The following ADAMTS9 variants were observed in gnomAD, a reference collection of about 807,000 sequenced individuals.
ADAMTS9 encodes ADAM metallopeptidase with thrombospondin type 1 motif 9, also known as A disintegrin and metalloproteinase with thrombospondin motifs 9.
In ADAMTS9, 107 loss-of-function variants were observed where a neutral mutation model predicts 257.1. The observed-to-expected ratio is 0.42, with a 90% CI of 0.36 to 0.49. The LOEUF (loss-of-function observed/expected upper bound fraction) is 0.49. Among genes scored for constraint, ADAMTS9 ranks in the 20% least tolerant of loss-of-function variants. The pLI, the probability that ADAMTS9 is intolerant of heterozygous loss-of-function variation, is 0.03. For synonymous variants in ADAMTS9, 982 were observed against 880.9 expected (o/e 1.11, Z -2.03); for missense variants, 2,353 against 2,469.1 (o/e 0.95, Z 1.00).
At chr3:64,606,883 A>T in intron 23 of ADAMTS9, 77 bp downstream of exon 23, 1 of 1,571,764 alleles carries the variant, frequency 6.4e-7, no homozygotes, top group Non-Finnish European at 8.7e-7. Flanking sequence ...AAAGGATTTC[A>T]ATTTTGTCTA....
chr3:64,595,673 A>G (rs1432339339), intron 27 of ADAMTS9, among the ~76,000 whole-genome samples: 1 of 152,208 alleles, frequency 6.6e-6, no homozygotes, highest in African/African-American at 2.4e-5. Context: ...ATGAAAGTCA[A>G]CAATAATCCC....
intron 38 of ADAMTS9, among the ~76,000 whole-genome samples, chr3:64,523,383 A>G (rs1213434313): frequency 6.6e-6 from 1 of 152,178 alleles, no homozygotes; most frequent in Admixed American, 6.5e-5. Flanking sequence ...CTCTATGAAG[A>G]GTCTAGTGGA....
rs1401847798 is a variant in ADAMTS9, at chr3:64,622,205, G to A, written c.2679C>T (p.Pro893=). The A allele has an allele frequency of 1.2e-6, 2 of 1,612,216 alleles. No individual in the cohort carries two copies. Residue 893 remains proline, a synonymous_variant, in exon 18 of 40, where the codon CCC becomes CCT. Transcript: ENST00000498707. ...CAAATTCAAAGCAGATACCTTGGCA[G>A]GGTTTACTGCATGCTTGCCATGGCC... is the stretch of plus-strand genomic sequence containing the variant. ...SHGPWQACSK[P]CQGERKRKLV...
At chr3:64,517,429 T>TTTTTTGTTTTTTTTG (rs2082793473) in intron 39 of ADAMTS9, among the ~76,000 whole-genome samples, 2 of 130,598 alleles carry the variant, frequency 1.5e-5, no homozygotes, top group Non-Finnish European at 3.3e-5. Flanking sequence ...TTTTTTTTTT[T>TTTTTTGTTTTTTTTG]TTTTTTTTTT....
intron 30 of ADAMTS9, among the ~76,000 whole-genome samples, chr3:64,553,928 A>G (rs967244127): frequency 1.3e-5 from 2 of 152,096 alleles, no homozygotes; most frequent in Non-Finnish European, 2.9e-5. Flanking sequence ...AAGGTGAGAT[A>G]GAGGGCCACC....
chr3:64,602,251 T>G (rs2084477117), intron 25 of ADAMTS9, 38 bp from the exon 26 acceptor site: 11 of 1,602,440 alleles, frequency 6.9e-6, no homozygotes, highest in Non-Finnish European at 9.4e-6. Context: ...GGTCAGTCAT[T>G]TGGTGGAGGG....
intron 18 of ADAMTS9, 131 bp from the exon 19 acceptor site, chr3:64,621,371 G>A: frequency 9.1e-7 from 1 of 1,096,790 alleles, no homozygotes; most frequent in South Asian, 1.6e-5. Context: ...GATCTCTGTT[G>A]CACTATTCAA....
In ADAMTS9 at chr3:64,613,406, G is replaced by A. The variant is rs772991594; in HGVS notation, c.3293C>T (p.Thr1098Ile). 3.7e-6 allele frequency: 6 copies of A among 1,613,930 alleles called. 1 individual carries two copies. The Admixed American group carries it at 1.0e-4, about 27-fold the overall frequency. The change falls in exon 22 of 40, where the codon ACA becomes ATA. Residue 1098 changes from threonine (T) to isoleucine (I), a missense_variant. By Grantham distance (89) the Thr-to-Ile change is moderately conservative. Around this residue, in one of 3 missense-constraint regions of ADAMTS9, gnomAD observed 1,402 missense variants for 1,441.4 expected, o/e 0.97. Transcript: ENST00000498707. The stretch of plus-strand genomic sequence containing the variant: ...CGGCTGCTGACAAGTCTGCATAGAT[G>A]TTGGCTTGGTCTCAGGGTCACACAT... ...DRMCDPETKPTSMQTCQQPEC... is the reference protein window; with the variant it reads ...DRMCDPETKPISMQTCQQPEC...
chr3:64,578,076 AACT>A (rs2083899222), intron 28 of ADAMTS9, among the ~76,000 whole-genome samples: 1 of 152,172 alleles, frequency 6.6e-6, no homozygotes, highest in Non-Finnish European at 1.5e-5. Flanking sequence ...CCAACTCCAG[AACT>A]AAGATTTGCA....
chr3:64,561,719 C>T lies in ADAMTS9; in HGVS notation c.4557G>A (p.Gln1519=). The T allele has an allele frequency of 1.9e-6, 3 of 1,610,564 alleles. No homozygotes were observed. The highest frequency in any genetic ancestry group is 2.5e-6 in the Non-Finnish European group (3 of 1,178,422). The part of the protein sequence containing the change: ...CSVSCGRGVQ[Q]RHVGCQIGTH... The stretch of plus-strand genomic sequence containing the variant: ...TTCCGATCTGACAGCCCACATGCCT[C>T]TGCTGTACGCCTCGGCCACAGGACA... The change falls in exon 30 of 40, where the codon CAG becomes CAA. Residue 1519 remains glutamine (Q), a synonymous_variant. Coordinates refer to ENST00000498707, the MANE Select transcript of ADAMTS9 (RefSeq NM_182920.2).
intron 39 of ADAMTS9, among the ~76,000 whole-genome samples, chr3:64,518,428 C>A (rs992553406): frequency 6.6e-6 from 1 of 152,148 alleles, no homozygotes; most frequent in Admixed American, 6.5e-5. Flanking sequence ...TCATTCCTTG[C>A]AGCTGAAGAC....
intron 37 of ADAMTS9, among the ~76,000 whole-genome samples, chr3:64,537,638 G>T (rs1326463890): frequency 6.6e-6 from 1 of 152,082 alleles, no homozygotes; most frequent in Non-Finnish European, 1.5e-5. Context: ...GTTCTCTGTA[G>T]TTGGGGGTAA....
chr3:64,553,890 GA>G (rs1448360141), intron 30 of ADAMTS9, among the ~76,000 whole-genome samples: 4 of 151,868 alleles, frequency 2.6e-5, no homozygotes, highest in Non-Finnish European at 2.9e-5. Flanking sequence ...TATTCCCCTA[GA>G]AAAAAAGTGT....
intron 37 of ADAMTS9, among the ~76,000 whole-genome samples, chr3:64,536,631 G>C (rs1165216107): frequency 6.6e-6 from 1 of 152,096 alleles, no homozygotes; most frequent in Admixed American, 6.6e-5. Flanking sequence ...GTGTAGGTTT[G>C]GGCAAATCCT....
At chr3:64,584,896 T>C (rs567962511) in intron 28 of ADAMTS9, among the ~76,000 whole-genome samples, 1 of 152,302 alleles carries the variant, frequency 6.6e-6, no homozygotes, top group East Asian at 1.9e-4. Context: ...CGTACAACTC[T>C]CTAAGTCAGG....
intron 26 of ADAMTS9, among the ~76,000 whole-genome samples, chr3:64,598,838 C>T (rs935443302): frequency 1.3e-5 from 2 of 152,016 alleles, no homozygotes; most frequent in Non-Finnish European, 2.9e-5. Context: ...AGCTTTATTG[C>T]CCCAGTAAAA....
intron 30 of ADAMTS9, among the ~76,000 whole-genome samples, chr3:64,555,676 G>A (rs1220430019): frequency 1.3e-5 from 2 of 152,198 alleles, no homozygotes; most frequent in African/African-American, 4.8e-5. Context: ...TTCCCATGAT[G>A]CTGCAAAGGT....
At chr3:64,639,724 A>G (rs1037024356) in intron 12 of ADAMTS9, among the ~76,000 whole-genome samples, 14 of 152,202 alleles carry the variant, frequency 9.2e-5, no homozygotes, top group Non-Finnish European at 2.9e-5. Context: ...ATAGTTTTTA[A>G]TATGTAAAAA....
chr3:64,676,166 G>C (rs1031400645), intron 3 of ADAMTS9, among the ~76,000 whole-genome samples: 1 of 152,098 alleles, frequency 6.6e-6, no homozygotes, highest in Non-Finnish European at 1.5e-5. Flanking sequence ...ATTTTTATCT[G>C]TCTGGTTATT....
Sources: allele counts gnomAD v4.1 joint callset (sites outside exome capture counted in the v4.1 genomes callset), GRCh38; gene constraint gnomAD v4.1.1; regional missense constraint gnomAD v4.1.1; transcripts MANE v1.5; gene names NCBI Gene and HGNC (gene_info 2026-07-23, HGNC 2026-07-21).